The following LRP2 variants were observed in gnomAD, a reference collection of about 807,000 sequenced individuals.
LRP2 encodes LDL receptor related protein 2, also known as low-density lipoprotein receptor-related protein 2.
In LRP2, 172 loss-of-function variants were observed where a neutral mutation model predicts 531.0. The ratio of observed to expected loss-of-function variants is 0.32; its 90% CI spans 0.29 to 0.37. The LOEUF is 0.37. LRP2 is among the 10% of genes least tolerant of loss of function. The probability of loss-of-function intolerance (pLI) is 1.00; values close to 1 mark genes in which losing one functional copy is unlikely to be tolerated. For synonymous variants in LRP2, 1,992 were observed against 2,027.6 expected, an observed-to-expected ratio of 0.98 and a Z score of 0.47; for missense variants, 5,167 against 5,868.3, an observed-to-expected ratio of 0.88 and a Z score of 3.90.
In LRP2 at chr2:169,172,133, C is replaced by T. The variant is rs769966400; in HGVS notation, c.11145G>A (p.Glu3715=). 1.2e-5 allele frequency: 20 copies of T among 1,614,026 alleles called. No individual in the cohort carries two copies. Among genetic ancestry groups the T allele is most frequent in the Middle Eastern group, 1.6e-4 (1 of 6,082 alleles). ...CCCCCACAGGATGGCATGTCCTCTCCTCTGCAAAGCAGTCATTGCAAAGAC... is the reference window on the plus strand; with the variant it reads ...CCCCCACAGGATGGCATGTCCTCTCTTCTGCAAAGCAGTCATTGCAAAGAC... ...CRDNSDEQGC[E]ERTCHPVGDF... The change falls in exon 58 of 79, where the codon GAG becomes GAA. Residue 3715 remains glutamate (E), a splice_region_variant and synonymous_variant. Transcript: ENST00000649046.
chr2:169,166,139 A>G, intron 61 of LRP2, 85 bp from the exon 62 acceptor site: 2 of 1,448,394 alleles, frequency 1.4e-6, no homozygotes, highest in Non-Finnish European at 1.9e-6. Flanking sequence ...TGTCAGCACC[A>G]GGCTTGCTTC....
intron 31 of LRP2, among the ~76,000 whole-genome samples, chr2:169,230,107 G>T (rs1052326053): frequency 6.6e-6 from 1 of 152,124 alleles, no homozygotes; most frequent in African/African-American, 2.4e-5. Context: ...ACAACAAAAG[G>T]CACTATTTAA....
rs1431977015 is a variant in LRP2 at position 169,327,673 on chromosome 2, C to CA, written c.80-6790_80-6789insT. Among the ~76,000 whole-genome samples the CA allele has an allele frequency of 1.9e-3, 212 of 110,528 alleles. 20 individuals are homozygous for CA. The highest frequency in any genetic ancestry group is 4.0e-4 in the Non-Finnish European group (21 of 52,276). 72.5% of individuals were successfully genotyped at this position (110,528 alleles called of 152,430 possible). A position where few individuals can be genotyped will look rare whatever the true frequency, so the allele number is the denominator to read the frequency against. ...GGGAGGGAGGTGGGGGGCTCAGCCC[C>CA]CTCCCGGCCAGCCGACCCATCCGGG... On this transcript the variant is annotated intron_variant, in intron 1 of 78. Transcript: ENST00000649046.
intron 55 of LRP2, among the ~76,000 whole-genome samples, chr2:169,174,747 C>T (rs1000880954): frequency 2.7e-5 from 4 of 150,056 alleles, no homozygotes; most frequent in African/African-American, 9.8e-5. Context: ...TGGGCTCAAG[C>T]GATCGACCTG....
intron 44 of LRP2, among the ~76,000 whole-genome samples, chr2:169,199,369 G>A (rs768986363): frequency 4.6e-5 from 7 of 152,078 alleles, no homozygotes; most frequent in Non-Finnish European, 8.8e-5. Flanking sequence ...GAAAAAGGAC[G>A]ATATAAGTGT....
chr2:169,283,786 G>A (rs897258644), intron 9 of LRP2, among the ~76,000 whole-genome samples: 26 of 152,282 alleles, frequency 1.7e-4, no homozygotes, highest in African/African-American at 6.0e-4. Flanking sequence ...ACATGACAGA[G>A]CTCTGTTCAT....
In LRP2 at chr2:169,168,573, A is replaced by G. The variant is rs2229268; in HGVS notation, c.11601T>C (p.Cys3867=). The change falls in exon 61 of 79, where the codon TGT becomes TGC. Residue 3867 remains cysteine (C), a synonymous_variant. Transcript: ENST00000649046. ...PYWKCDGDDD[C]GDGSDEELHL... ...GAAGTTCTTCATCTGAACCATCGCC[A>G]CAGTCATCATCGCCATCACATTTCC... 0.2 allele frequency: 326,211 copies of G among 1,613,812 alleles called. 35,241 individuals are homozygous for G. Among genetic ancestry groups the G allele is most frequent in the East Asian group, 0.31 (13,840 of 44,854 alleles).
intron 1 of LRP2, among the ~76,000 whole-genome samples, chr2:169,332,986 T>A (rs1269213304): frequency 1.3e-5 from 2 of 152,210 alleles, no homozygotes; most frequent in Non-Finnish European, 2.9e-5. Context: ...GTATGGCTTC[T>A]GCCAACAGAG....
rs181016155 is a variant in LRP2, at chr2:169,200,278, A to G, written c.8452+1350T>C. On this transcript the variant is annotated intron_variant, in intron 44 of 78. Coordinates refer to ENST00000649046, the MANE Select transcript of LRP2 (RefSeq NM_004525.3). Reference sequence around the variant, plus strand: ...AAAAATAAAAAAATTTTTTTTCCTTAAAAACTGTATTTCCTAGCTCTGACC... The same window carrying G: ...AAAAATAAAAAAATTTTTTTTCCTTGAAAACTGTATTTCCTAGCTCTGACC... 2.1e-3 allele frequency among the ~76,000 whole-genome samples: 321 copies of G among 152,278 alleles called. 4 individuals carry two copies. Among genetic ancestry groups the G allele is most frequent in the Non-Finnish European group, 3.3e-3 (226 of 68,014 alleles).
intron 31 of LRP2, among the ~76,000 whole-genome samples, chr2:169,229,835 A>G (rs1689337647): frequency 6.6e-6 from 1 of 152,200 alleles, no homozygotes. Context: ...AAGCACTTCT[A>G]CATATATTCC....
chr2:169,355,733 G>A (rs1303358640), intron 1 of LRP2, among the ~76,000 whole-genome samples: 1 of 152,196 alleles, frequency 6.6e-6, no homozygotes, highest in Admixed American at 6.5e-5. Context: ...TCATCTCAGA[G>A]CCAGGAGACG....
At position 169,320,761 on chromosome 2, in the gene LRP2, G is replaced by A; in HGVS notation, c.187+16C>T. 6.3e-7 allele frequency: 1 copy of A among 1,599,526 alleles called. No homozygotes were observed. The highest frequency in any genetic ancestry group is 8.6e-7 in the Non-Finnish European group (1 of 1,166,778). ...GTTACTCAAAATAGAACTTAGCCTGGCCCCTCCTCACTTACCGCAGCCAAT... is the reference window on the plus strand; with the variant it reads ...GTTACTCAAAATAGAACTTAGCCTGACCCCTCCTCACTTACCGCAGCCAAT... On this transcript the variant is annotated intron_variant, in intron 2 of 78. Coordinates refer to ENST00000649046, the MANE Select transcript of LRP2 (RefSeq NM_004525.3).
chr2:169,169,967 A>G lies in LRP2; in HGVS notation c.11381-149T>C, dbSNP rs1329307718. 5.8e-6 allele frequency: 4 copies of G among 684,830 alleles called. No homozygotes were observed. In the African/African-American group the frequency reaches 7.0e-5, roughly 12 times the overall value. 42.4% of individuals were successfully genotyped at this position (684,830 alleles called of 1,614,324 possible). A position where few individuals can be genotyped will look rare whatever the true frequency, so the allele number is the denominator to read the frequency against. On this transcript the variant is annotated intron_variant, in intron 59 of 78. Coordinates refer to ENST00000649046, the MANE Select transcript of LRP2 (RefSeq NM_004525.3). The stretch of plus-strand genomic sequence containing the variant: ...CCCACAACTTGTGGTTAGCAAATTA[A>G]TACATTCTCAAAACTCACACTTTCC...
chr2:169,180,607 A>C (rs1356654286), intron 52 of LRP2, among the ~76,000 whole-genome samples: 1 of 152,206 alleles, frequency 6.6e-6, no homozygotes, highest in Non-Finnish European at 1.5e-5. Context: ...GTGTTAGAGA[A>C]CTTCAAACTT....
intron 19 of LRP2, among the ~76,000 whole-genome samples, chr2:169,248,462 T>A (rs1690100978): frequency 1.3e-5 from 2 of 152,242 alleles, no homozygotes; most frequent in African/African-American, 4.8e-5. Context: ...AACAAAGGCA[T>A]CCTCATATAC....
rs1422269601 is a variant in LRP2 at position 169,172,109 on chromosome 2, C to T, written c.11169G>A (p.Gly3723=). 4.3e-6 allele frequency: 7 copies of T among 1,614,032 alleles called. No individual in the cohort carries two copies. The African/African-American group carries it at 5.3e-5, about 12-fold the overall frequency. The change falls in exon 58 of 79, where the codon GGG becomes GGA. Residue 3723 remains glycine (G), a synonymous_variant. Transcript: ENST00000649046. The part of the protein sequence containing the change: ...GCEERTCHPV[G]DFRCKNHHCI... Reference sequence around the variant, plus strand: ...AGTGGTGATTTTTACAGCGGAAATCCCCCACAGGATGGCATGTCCTCTCCT... The same window carrying T: ...AGTGGTGATTTTTACAGCGGAAATCTCCCACAGGATGGCATGTCCTCTCCT...
chr2:169,361,806 G>T (rs1448641927), intron 1 of LRP2, among the ~76,000 whole-genome samples: 4 of 152,202 alleles, frequency 2.6e-5, no homozygotes, highest in Non-Finnish European at 5.9e-5. Flanking sequence ...TGGTGAGAGC[G>T]GTCTCTGGGG....
chr2:169,223,344 C>T (rs1239128874), intron 33 of LRP2, among the ~76,000 whole-genome samples: 1 of 152,188 alleles, frequency 6.6e-6, no homozygotes, highest in Non-Finnish European at 1.5e-5. Context: ...GACACGTTCC[C>T]TGCTTTTGGA....
intron 42 of LRP2, 130 bp from the exon 43 acceptor site, chr2:169,203,089 C>T (rs1315457046): frequency 2.8e-6 from 2 of 710,136 alleles, no homozygotes; most frequent in Non-Finnish European, 4.9e-6. Context: ...AAGTTCTGCC[C>T]ATTAACCTTT....
Sources: gnomAD v4.1 joint callset for allele counts (sites outside exome capture counted in the v4.1 genomes callset) on GRCh38, gnomAD v4.1.1 for gene constraint, MANE v1.5 for transcripts, NCBI Gene and HGNC (gene_info 2026-07-23, HGNC 2026-07-21) for gene names.